The following ENAH variants were observed in gnomAD, a reference collection of about 807,000 sequenced individuals.
The protein encoded by ENAH is protein enabled homolog.
A neutral mutation model predicts 78.7 loss-of-function variants in ENAH; 23 were observed. The ratio of observed to expected loss-of-function variants is 0.29; its 90% CI spans 0.21 to 0.41. The LOEUF (loss-of-function observed/expected upper bound fraction) is 0.41. Ranked by LOEUF, ENAH falls within the 10% of genes least tolerant of loss-of-function variation. The pLI is 1.00. For missense variants in ENAH, 544 were observed against 691.0 expected, an observed-to-expected ratio of 0.79 and a Z score of 2.39; for synonymous variants, 226 against 241.0, an observed-to-expected ratio of 0.94 and a Z score of 0.58.
chr1:225,652,062 GC>G (rs1663117973), intron 1 of ENAH, among the ~76,000 whole-genome samples: 1 of 150,376 alleles, frequency 6.6e-6, no homozygotes, highest in Non-Finnish European at 1.5e-5. Flanking sequence ...TCCCTTCCCC[GC>G]CCCCGCTTAC....
chr1:225,509,504 G>A (rs573600201), intron 10 of ENAH, among the ~76,000 whole-genome samples: 15 of 152,272 alleles, frequency 9.9e-5, no homozygotes, highest in Middle Eastern at 6.8e-3. Flanking sequence ...TAAGGAGCTC[G>A]GGTGTGTTTC....
intron 1 of ENAH, among the ~76,000 whole-genome samples, chr1:225,639,705 AACACACACACACACAC>A (rs374646635): frequency 1.4e-5 from 2 of 138,550 alleles, no homozygotes; most frequent in Admixed American, 7.2e-5. Context: ...GGCGGGATTA[AACACACACACACACAC>A]ACACACACAC....
At chr1:225,501,231 A>G (rs945076121) in intron 11 of ENAH, 161 bp from the exon 12 acceptor site, 3 of 505,570 alleles carry the variant, frequency 5.9e-6, no homozygotes, top group Non-Finnish European at 1.1e-5. Flanking sequence ...TGATTAGAAC[A>G]TAAAACAACA....
chr1:225,617,046 C>T (rs1266333138), intron 1 of ENAH, among the ~76,000 whole-genome samples: 1 of 151,794 alleles, frequency 6.6e-6, no homozygotes, highest in Admixed American at 6.6e-5. Context: ...TTGCAGTGAG[C>T]CAAGATCATG....
chr1:225,505,235 T>C (rs183877720), intron 11 of ENAH, among the ~76,000 whole-genome samples: 134 of 152,342 alleles, frequency 8.8e-4, no homozygotes, highest in African/African-American at 3.1e-3. Context: ...TATGTGAAGA[T>C]ACCAGTTACA....
intron 1 of ENAH, among the ~76,000 whole-genome samples, chr1:225,644,104 G>A (rs1045879471): frequency 6.7e-6 from 1 of 149,330 alleles, no homozygotes; most frequent in East Asian, 2.0e-4. Context: ...TGCTGCAAAT[G>A]CACTACAAAA....
chr1:225,551,070 T>C (rs949464093), intron 3 of ENAH, among the ~76,000 whole-genome samples: 2 of 152,132 alleles, frequency 1.3e-5, no homozygotes, highest in Non-Finnish European at 2.9e-5. Flanking sequence ...ATCAAAAATA[T>C]CACTTTAGGT....
intron 1 of ENAH, among the ~76,000 whole-genome samples, chr1:225,620,276 C>A (rs532989843): frequency 2.6e-5 from 4 of 151,888 alleles, no homozygotes; most frequent in African/African-American, 9.7e-5. Flanking sequence ...ACCTGTAATC[C>A]CAGCACTTTG....
intron 2 of ENAH, among the ~76,000 whole-genome samples, chr1:225,563,344 G>A (rs879399994): frequency 3.9e-5 from 6 of 152,128 alleles, no homozygotes; most frequent in Non-Finnish European, 7.4e-5. Context: ...AGTGATTAGA[G>A]CTGAAATGCT....
intron 12 of ENAH, 58 bp downstream of exon 12, chr1:225,500,934 G>A: frequency 6.8e-7 from 1 of 1,460,744 alleles, no homozygotes; most frequent in Non-Finnish European, 9.6e-7. Context: ...TATGCATATG[G>A]GATATTTTTT....
intron 1 of ENAH, among the ~76,000 whole-genome samples, chr1:225,634,296 T>C (rs1039588679): frequency 6.6e-6 from 1 of 152,226 alleles, no homozygotes; most frequent in African/African-American, 2.4e-5. Context: ...TTAAAATATG[T>C]TGAACATATT....
intron 1 of ENAH, among the ~76,000 whole-genome samples, chr1:225,639,396 G>T (rs1229606591): frequency 2.0e-5 from 3 of 152,154 alleles, no homozygotes; most frequent in African/African-American, 7.2e-5. Flanking sequence ...AAATTTAACT[G>T]TAACAGTACT....
chr1:225,598,435 T>C (rs1237217586), intron 1 of ENAH, among the ~76,000 whole-genome samples: 1 of 151,622 alleles, frequency 6.6e-6, no homozygotes, highest in East Asian at 1.9e-4. Context: ...AAACTAAAAA[T>C]TCTAGATTAA....
At chr1:225,583,253 A>G (rs1259302954) in intron 1 of ENAH, among the ~76,000 whole-genome samples, 1 of 151,986 alleles carries the variant, frequency 6.6e-6, no homozygotes, top group Non-Finnish European at 1.5e-5. Context: ...CCTGGCCAAC[A>G]TGGTGAAACC....
At position 225,519,489 on chromosome 1, in the gene ENAH, A is replaced by G. The variant is rs867173141; in HGVS notation, c.511T>C (p.Leu171=). 1 of 1,604,870 alleles carries G rather than the reference A, an allele frequency of 6.2e-7. No individual in the cohort carries two copies. The highest frequency in any genetic ancestry group is 1.1e-5 in the South Asian group (1 of 90,746). ...LERERMERER[L]ERERLERERL... The stretch of plus-strand genomic sequence containing the variant: ...TCCCTTTCTAACCTCTCTCTCTCCA[A>G]CCTTTCTCTTTCCATTCTTTCTCGC... The change falls in exon 5 of 14, where the codon TTG becomes CTG. Residue 171 remains leucine, a synonymous_variant. Coordinates refer to ENST00000366843, the MANE Select transcript of ENAH (RefSeq NM_018212.6).
chr1:225,602,672 A>G (rs1016429060), intron 1 of ENAH, among the ~76,000 whole-genome samples: 3 of 152,126 alleles, frequency 2.0e-5, no homozygotes, highest in Non-Finnish European at 2.9e-5. Flanking sequence ...AGACTTCAAA[A>G]GCCTTTCCCT....
chr1:225,536,809 T>C (rs2096564046), intron 3 of ENAH, among the ~76,000 whole-genome samples: 1 of 152,008 alleles, frequency 6.6e-6, no homozygotes, highest in Non-Finnish European at 1.5e-5. Flanking sequence ...AAACACAAAA[T>C]AAGATTGATA....
chr1:225,596,898 T>C (rs1016260586), intron 1 of ENAH, among the ~76,000 whole-genome samples: 2 of 152,140 alleles, frequency 1.3e-5, no homozygotes, highest in African/African-American at 4.8e-5. Flanking sequence ...AATGTTCAAA[T>C]GAAAATTAAA....
intron 1 of ENAH, among the ~76,000 whole-genome samples, chr1:225,611,512 T>TTTCA (rs1420376177): frequency 6.6e-6 from 1 of 152,024 alleles, no homozygotes; most frequent in Non-Finnish European, 1.5e-5. Context: ...AGAGATGAGG[T>TTTCA]TTCACTATGT....
Sources: allele counts gnomAD v4.1 joint callset (sites outside exome capture counted in the v4.1 genomes callset), GRCh38; gene constraint gnomAD v4.1.1; transcripts MANE v1.5; gene names NCBI Gene and HGNC (gene_info 2026-07-23, HGNC 2026-07-21).